CDKAL1: variants seen among roughly 807,000 people sequenced by gnomAD.
CDKAL1 encodes CDKAL1 threonylcarbamoyladenosine tRNA methylthiotransferase.
Under a neutral mutation model 68.2 loss-of-function variants are expected in CDKAL1, and 32 were observed. The observed-to-expected ratio is 0.47, with a 90% confidence interval of 0.35 to 0.63. The LOEUF (loss-of-function observed/expected upper bound fraction) is 0.63, where lower values mean the gene tolerates loss of function less well. Among genes scored for constraint, CDKAL1 ranks in the 30% least tolerant of loss-of-function variants. The pLI is 0.00. For missense variants in CDKAL1, 606 were observed against 696.7 expected, an observed-to-expected ratio of 0.87 and a Z score of 1.47; for synonymous variants, 234 against 244.3, an observed-to-expected ratio of 0.96 and a Z score of 0.39.
At chr6:20,810,965 C>G (rs1263434176) in intron 8 of CDKAL1, among the ~76,000 whole-genome samples, 1 of 152,136 alleles carries the variant, frequency 6.6e-6, no homozygotes, top group Non-Finnish European at 1.5e-5. Flanking sequence ...CTTTGTCCAA[C>G]TTGGCCATCA....
intron 13 of CDKAL1, among the ~76,000 whole-genome samples, chr6:21,161,810 T>C (rs919135281): frequency 6.6e-6 from 1 of 152,230 alleles, no homozygotes; most frequent in African/African-American, 2.4e-5. Context: ...TAAGGCTTGA[T>C]AATTTGAGTT....
chr6:21,120,653 A>G (rs1774664855), intron 13 of CDKAL1, among the ~76,000 whole-genome samples: 1 of 152,188 alleles, frequency 6.6e-6, no homozygotes, highest in Non-Finnish European at 1.5e-5. Context: ...AAATGTCAGT[A>G]TGTGTTTTTA....
At chr6:21,150,563 A>G (rs918655269) in intron 13 of CDKAL1, among the ~76,000 whole-genome samples, 2 of 152,220 alleles carry the variant, frequency 1.3e-5, no homozygotes, top group Non-Finnish European at 2.9e-5. Flanking sequence ...CTTGCTTTAA[A>G]CTTGGCTTTT....
intron 9 of CDKAL1, among the ~76,000 whole-genome samples, chr6:20,933,506 A>G (rs1407006027): frequency 6.6e-6 from 1 of 152,266 alleles, no homozygotes; most frequent in Non-Finnish European, 1.5e-5. Context: ...GTTATAATGT[A>G]TTCACTGTAA....
At chr6:20,626,849 T>G (rs974982025) in intron 4 of CDKAL1, among the ~76,000 whole-genome samples, 2 of 152,176 alleles carry the variant, frequency 1.3e-5, no homozygotes, top group African/African-American at 2.4e-5. Flanking sequence ...ACCAAAAGCC[T>G]TCCTGGAAGC....
intron 9 of CDKAL1, among the ~76,000 whole-genome samples, chr6:20,864,202 A>C (rs184579685): frequency 8.3e-6 from 1 of 121,178 alleles, no homozygotes; most frequent in African/African-American, 3.1e-5. Flanking sequence ...TTAATTTTGA[A>C]AATCTGTAAT....
chr6:20,982,398 G>A (rs552397253), intron 10 of CDKAL1, among the ~76,000 whole-genome samples: 45 of 152,102 alleles, frequency 3.0e-4, no homozygotes, highest in African/African-American at 9.9e-4. Flanking sequence ...AAAGTGTACT[G>A]GATTTCCTTA....
At chr6:20,750,762 G>A (rs943584599) in intron 6 of CDKAL1, among the ~76,000 whole-genome samples, 1 of 151,822 alleles carries the variant, frequency 6.6e-6, no homozygotes, top group Admixed American at 6.6e-5. Flanking sequence ...TCAGGAGTTC[G>A]GGATCAGTCT....
intron 4 of CDKAL1, among the ~76,000 whole-genome samples, chr6:20,571,041 G>A (rs1321932957): frequency 6.6e-6 from 1 of 152,114 alleles, no homozygotes; most frequent in Non-Finnish European, 1.5e-5. Context: ...TCACTGGGGA[G>A]GAATTACCTT....
At chr6:20,796,267 GA>G (rs1776105652) in intron 8 of CDKAL1, among the ~76,000 whole-genome samples, 1 of 152,054 alleles carries the variant, frequency 6.6e-6, no homozygotes, top group Admixed American at 6.5e-5. Flanking sequence ...ATAGCTCTAA[GA>G]AAAATGCTTA....
intron 13 of CDKAL1, among the ~76,000 whole-genome samples, chr6:21,122,986 A>T (rs963282120): frequency 6.6e-6 from 1 of 151,918 alleles, no homozygotes; most frequent in African/African-American, 2.4e-5. Flanking sequence ...GAAATACATT[A>T]TGTGTTTTTA....
chr6:21,108,378 G>GT lies in CDKAL1; in HGVS notation c.1237-15dup, dbSNP rs539977788. The GT allele has an allele frequency of 5.0e-4, 784 of 1,557,136 alleles. 2 individuals carry two copies. Among genetic ancestry groups the GT allele is most frequent in the East Asian group, 1.9e-3 (83 of 43,678 alleles). ...TCAATTGTTTGTATGTTGGTTTTTTGTTTTTTTTGTTTTTTTTCACAGAAA... is the reference window on the plus strand; with the variant it reads ...TCAATTGTTTGTATGTTGGTTTTTTGTTTTTTTTTGTTTTTTTTCACAGAAA... On this transcript the variant is annotated intron_variant, in intron 12 of 15. Transcript: ENST00000274695.
chr6:21,140,998 A>T (rs1775877917), intron 13 of CDKAL1, among the ~76,000 whole-genome samples: 1 of 152,094 alleles, frequency 6.6e-6, no homozygotes, highest in South Asian at 2.1e-4. Flanking sequence ...ATTCACTATC[A>T]CGAGAATAGC....
intron 9 of CDKAL1, among the ~76,000 whole-genome samples, chr6:20,853,409 A>C (rs1322229254): frequency 1.4e-5 from 2 of 145,960 alleles, no homozygotes; most frequent in Non-Finnish European, 3.0e-5. Context: ...AAACAAAAAA[A>C]AAAACCCTAT....
intron 8 of CDKAL1, among the ~76,000 whole-genome samples, chr6:20,841,599 A>G (rs987602893): frequency 6.6e-6 from 1 of 152,174 alleles, no homozygotes; most frequent in African/African-American, 2.4e-5. Flanking sequence ...ATATTCTACC[A>G]TAGGTGTTTC....
chr6:20,580,847 T>C (rs1408238153), intron 4 of CDKAL1, among the ~76,000 whole-genome samples: 1 of 151,988 alleles, frequency 6.6e-6, no homozygotes, highest in African/African-American at 2.4e-5. Context: ...TGAAGTGCAA[T>C]GGTGCGATCT....
At chr6:20,707,699 T>C (rs1218066606) in intron 5 of CDKAL1, among the ~76,000 whole-genome samples, 1 of 152,232 alleles carries the variant, frequency 6.6e-6, no homozygotes, top group East Asian at 1.9e-4. Flanking sequence ...AATAACTGAC[T>C]ATTCCTCATG....
chr6:21,174,714 C>T (rs1373697301), intron 13 of CDKAL1, among the ~76,000 whole-genome samples: 1 of 144,526 alleles, frequency 6.9e-6, no homozygotes, highest in African/African-American at 2.6e-5. Flanking sequence ...TTGATAAGGC[C>T]ATTTTGGAGG....
chr6:20,966,028 G>C (rs1233668853), intron 10 of CDKAL1, among the ~76,000 whole-genome samples: 2 of 152,164 alleles, frequency 1.3e-5, no homozygotes, highest in African/African-American at 4.8e-5. Flanking sequence ...TCAGCACTTA[G>C]TAAAATGAAA....
Sources: allele counts gnomAD v4.1 joint callset (sites outside exome capture counted in the v4.1 genomes callset), GRCh38; gene constraint gnomAD v4.1.1; transcripts MANE v1.5; gene names NCBI Gene and HGNC (gene_info 2026-07-23, HGNC 2026-07-21).